ANAPC1: variants seen among roughly 807,000 people sequenced by gnomAD.
ANAPC1 encodes the protein anaphase-promoting complex subunit 1.
Under a neutral mutation model 208.0 loss-of-function variants are expected in ANAPC1, and 36 were observed. The observed-to-expected ratio is 0.17, with a 90% confidence interval of 0.13 to 0.23. ANAPC1 has a LOEUF of 0.23. Among genes scored for constraint, ANAPC1 ranks in the 10% least tolerant of loss-of-function variants. The probability of loss-of-function intolerance (pLI) is 1.00; values close to 1 mark genes in which losing one functional copy is unlikely to be tolerated. For missense variants in ANAPC1, 942 were observed against 2,011.6 expected, an observed-to-expected ratio of 0.47 and a Z score of 10.17; for synonymous variants, 378 against 695.2, an observed-to-expected ratio of 0.54 and a Z score of 7.18.
chr2:111,852,080 A>G (rs889150031), intron 13 of ANAPC1, among the ~76,000 whole-genome samples: 1 of 151,238 alleles, frequency 6.6e-6, no homozygotes, highest in Non-Finnish European at 1.5e-5. Flanking sequence ...AATTATGCAT[A>G]ATTTTTTAAA....
At chr2:111,850,376 A>C (rs1164103217) in intron 14 of ANAPC1, among the ~76,000 whole-genome samples, 1 of 152,222 alleles carries the variant, frequency 6.6e-6, no homozygotes, top group Non-Finnish European at 1.5e-5. Flanking sequence ...CATGTCTCTC[A>C]GTGAGGCTTT....
At chr2:111,849,566 C>CTT in intron 14 of ANAPC1, among the ~76,000 whole-genome samples, 1 of 152,338 alleles carries the variant, frequency 6.6e-6, no homozygotes, top group East Asian at 1.9e-4. Flanking sequence ...TTTCTCCAGG[C>CTT]TTCCTAACTT....
At chr2:111,799,326 C>T (rs2104553228) in intron 34 of ANAPC1, among the ~76,000 whole-genome samples, 1 of 152,216 alleles carries the variant, frequency 6.6e-6, no homozygotes, top group East Asian at 1.9e-4. Flanking sequence ...TGGGCAACAG[C>T]CAACACTCTC....
chr2:111,849,576 T>G (rs1432079599), intron 14 of ANAPC1, among the ~76,000 whole-genome samples: 2 of 152,208 alleles, frequency 1.3e-5, no homozygotes, highest in Non-Finnish European at 2.9e-5. Context: ...CTTCCTAACT[T>G]GGTAAATCCA....
chr2:111,804,431 C>CA (rs374363721), intron 30 of ANAPC1, among the ~76,000 whole-genome samples: 22 of 118,906 alleles, frequency 1.9e-4, no homozygotes, highest in African/African-American at 6.5e-4. Flanking sequence ...AAGCAATACA[C>CA]AATAATGTAG....
Position 111,847,816 on chromosome 2 carries a change from T to G in ANAPC1, c.1700A>C (p.His567Pro). 5 of 1,599,380 alleles carry G rather than the reference T, an allele frequency of 3.1e-6. No homozygotes were observed. Among genetic ancestry groups the G allele is most frequent in the Non-Finnish European group, 4.3e-6 (5 of 1,175,036 alleles). ...VPELRDSSKL[H>P]DSLYNEDCTF... ...ACAATCCTCATTATAGAGAGAATCA[T>G]GAAGTTTTGAAGAATCCCTCAGTTC... is the stretch of plus-strand genomic sequence containing the variant. The change falls in exon 15 of 48, where the codon CAT (histidine) becomes CCT (proline). Residue 567 changes from histidine to proline, a missense_variant. His to Pro is a moderately conservative substitution (Grantham distance 77). Coordinates refer to ENST00000341068, the MANE Select transcript of ANAPC1 (RefSeq NM_022662.4).
chr2:111,872,312 A>G (rs1156500301), intron 6 of ANAPC1, among the ~76,000 whole-genome samples: 1 of 152,178 alleles, frequency 6.6e-6, no homozygotes, highest in Non-Finnish European at 1.5e-5. Context: ...CCATCCCTGC[A>G]TCCCTGAGAC....
At chr2:111,777,779 G>A (rs1433721858) in intron 45 of ANAPC1, among the ~76,000 whole-genome samples, 2 of 152,182 alleles carry the variant, frequency 1.3e-5, no homozygotes, top group Non-Finnish European at 2.9e-5. Context: ...TTTCTGGTTT[G>A]GGGGAATTAT....
At chr2:111,877,920 C>T (rs1683103478) in intron 3 of ANAPC1, among the ~76,000 whole-genome samples, 1 of 152,082 alleles carries the variant, frequency 6.6e-6, no homozygotes, top group Admixed American at 6.6e-5. Flanking sequence ...GAAGTTAGGT[C>T]TAAATATTCA....
intron 11 of ANAPC1, among the ~76,000 whole-genome samples, chr2:111,858,006 A>C (rs945312129): frequency 2.0e-5 from 3 of 152,178 alleles, no homozygotes. Flanking sequence ...TAATCTATAA[A>C]GGCAGAAGCC....
chr2:111,827,574 G>A (rs1205674743), intron 21 of ANAPC1, among the ~76,000 whole-genome samples: 1 of 152,050 alleles, frequency 6.6e-6, no homozygotes, highest in Non-Finnish European at 1.5e-5. Flanking sequence ...GGGCAACATG[G>A]CAAAACCCCA....
At chr2:111,876,563 A>G (rs1224908201) in intron 3 of ANAPC1, among the ~76,000 whole-genome samples, 2 of 152,222 alleles carry the variant, frequency 1.3e-5, no homozygotes, top group Non-Finnish European at 2.9e-5. Context: ...GCAAAGAACT[A>G]CTTGGATATC....
intron 39 of ANAPC1, among the ~76,000 whole-genome samples, chr2:111,786,554 C>A (rs1677562435): frequency 9.2e-6 from 1 of 108,908 alleles, no homozygotes; most frequent in African/African-American, 3.5e-5. Context: ...AAAAATTAGC[C>A]AGGCGCAGTG....
intron 37 of ANAPC1, among the ~76,000 whole-genome samples, chr2:111,793,306 G>T (rs1279091029): frequency 6.6e-6 from 1 of 151,768 alleles, no homozygotes; most frequent in Non-Finnish European, 1.5e-5. Context: ...TGATGCAACA[G>T]CCTCAACCTC....
chr2:111,872,522 C>T (rs902387948), intron 6 of ANAPC1, 108 bp downstream of exon 6: 2 of 898,872 alleles, frequency 2.2e-6, no homozygotes, highest in African/African-American at 3.4e-5. Flanking sequence ...TATATCTATG[C>T]TGTCAACATG....
intron 47 of ANAPC1, among the ~76,000 whole-genome samples, chr2:111,769,844 C>G (rs1573283914): frequency 6.7e-6 from 1 of 149,424 alleles, no homozygotes; most frequent in Non-Finnish European, 1.5e-5. Flanking sequence ...CCACGCCCAG[C>G]TAATTTTTTT....
rs372311361 is a variant in ANAPC1 at position 111,833,681 on chromosome 2, T to TAAAAAAAAAAA, written c.2385-381_2385-371dup. 1.2e-3 allele frequency among the ~76,000 whole-genome samples: 102 copies of TAAAAAAAAAAA among 85,970 alleles called. 3 individuals carry two copies. The highest frequency in any genetic ancestry group is 4.1e-3 in the African/African-American group (85 of 20,802). 56.4% of individuals were successfully genotyped at this position (85,970 alleles called of 152,430 possible). A position where few individuals can be genotyped will look rare whatever the true frequency, so the allele number is the denominator to read the frequency against. ...TAAAGATTAAATAAGATAAAATATG[T>TAAAAAAAAAAA]AAAAAAAAAAAAACCTGATAAAATG... is the stretch of plus-strand genomic sequence containing the variant. On this transcript the variant is annotated intron_variant, in intron 19 of 47. Transcript: ENST00000341068.
chr2:111,825,279 A>G, intron 22 of ANAPC1, 112 bp from the exon 23 acceptor site: 1 of 1,444,792 alleles, frequency 6.9e-7, no homozygotes, highest in Admixed American at 2.1e-5. Context: ...ACATCTAAAA[A>G]AAAATAAAAT....
chr2:111,784,025 C>T (rs1437727693), intron 41 of ANAPC1, 61 bp from the exon 42 acceptor site: 478 of 730,954 alleles, frequency 6.5e-4, no homozygotes, highest in Admixed American at 1.2e-3. Flanking sequence ...ATCTGACAAA[C>T]TGAAACCTAT....
Sources: gnomAD v4.1 joint callset for allele counts (sites outside exome capture counted in the v4.1 genomes callset) on GRCh38, gnomAD v4.1.1 for gene constraint, MANE v1.5 for transcripts, NCBI Gene and HGNC (gene_info 2026-07-23, HGNC 2026-07-21) for gene names.